COASY: variants seen among roughly 807,000 people sequenced by gnomAD.
COASY encodes bifunctional coenzyme A synthase.
In COASY, 31 loss-of-function variants were observed where a neutral mutation model predicts 49.4. That is an observed-to-expected ratio of 0.63 (90% CI 0.47 to 0.85). The LOEUF is 0.85. Among genes scored for constraint, COASY ranks in the 40% least tolerant of loss-of-function variants. COASY has a pLI of 0.00. For synonymous variants in COASY, 285 were observed against 310.9 expected, an observed-to-expected ratio of 0.92 and a Z score of 0.88; for missense variants, 730 against 734.1, an observed-to-expected ratio of 0.99 and a Z score of 0.06.
chr17:42,563,912 C>G (rs2092989344), intron 1 of COASY, 49 bp from the exon 2 acceptor site: 1 of 1,491,798 alleles, frequency 6.7e-7, no homozygotes, highest in African/African-American at 1.4e-5. Context: ...GGCCCATACT[C>G]TCCTCCCCAA....
intron 6 of COASY, 45 bp from the exon 7 acceptor site, chr17:42,565,426 G>A: frequency 6.2e-7 from 1 of 1,611,510 alleles, no homozygotes; most frequent in Non-Finnish European, 8.5e-7. Context: ...TGTTCTGCCT[G>A]GGAGAACGTC....
intron 5 of COASY, 59 bp downstream of exon 5, chr17:42,565,106 A>G (rs2092995689): frequency 2.5e-6 from 4 of 1,593,574 alleles, no homozygotes; most frequent in Non-Finnish European, 2.6e-6. Context: ...GTCAGGGTCC[A>G]GTGGACCTCT....
rs747905818 is a variant in COASY, at chr17:42,565,530, G to A, written c.1447G>A (p.Val483Ile). The part of the protein sequence containing the change: ...VLLEAGWQNL[V>I]HEVWTAVIPE... ...GCTTGAAGCCGGCTGGCAGAACCTG[G>A]TCCATGAGGTGTGGACTGCTGTCAT... Residue 483 changes from valine to isoleucine, a missense_variant, in exon 7 of 9, where the codon GTC becomes ATC. Val to Ile is a conservative substitution (Grantham distance 29). Coordinates refer to ENST00000393818, the MANE Select transcript of COASY (RefSeq NM_025233.7). 6.2e-7 allele frequency: 1 copy of A among 1,614,178 alleles called. No individual in the cohort carries two copies. The highest frequency in any genetic ancestry group is 1.7e-5 in the Admixed American group (1 of 60,026).
chr17:42,564,269 A>G, intron 2 of COASY, 94 bp downstream of exon 2: 3 of 1,455,500 alleles, frequency 2.1e-6, no homozygotes, highest in Non-Finnish European at 1.9e-6. Flanking sequence ...CCCAGAGGAG[A>G]GAAGTGGGGG....
chr17:42,566,187 C>T lies in COASY; in HGVS notation c.*219C>T, dbSNP rs1454128952. The T allele has an allele frequency of 1.7e-6, 1 of 589,276 alleles. No individual in the cohort carries two copies. The allele number at this position is 589,276 out of a possible 1,614,324, so 36.5% of individuals were successfully genotyped here. A position where few individuals can be genotyped will look rare whatever the true frequency, so the allele number is the denominator to read the frequency against. ...TCATGGGGGAGCAGTCCCCTCCCCA[C>T]TCTTGCCCATGGGTGACTCTTACCC... On this transcript the variant is annotated 3_prime_UTR_variant, in exon 9 of 9. Transcript: ENST00000393818.
In COASY at chr17:42,565,448, C is replaced by T. The variant is rs141500308; in HGVS notation, c.1388-23C>T. Reference sequence around the variant, plus strand: ...CCTGGGAGAACGTCGGCACTGCTGGCGGTGACTGGGGTCTCCCCACAGGAA... The same window carrying T: ...CCTGGGAGAACGTCGGCACTGCTGGTGGTGACTGGGGTCTCCCCACAGGAA... On this transcript the variant is annotated intron_variant, in intron 6 of 8. Transcript: ENST00000393818. 3.5e-5 allele frequency: 57 copies of T among 1,613,480 alleles called. No homozygotes were observed. The South Asian group carries it at 4.8e-4, about 14-fold the overall frequency.
In COASY at chr17:42,566,076, C is replaced by T; in HGVS notation, c.*108C>T. 8.3e-7 allele frequency: 1 copy of T among 1,199,044 alleles called. No homozygotes were observed. The highest frequency in any genetic ancestry group is 1.3e-5 in the South Asian group (1 of 79,978). 74.3% of individuals were successfully genotyped at this position (1,199,044 alleles called of 1,614,324 possible). A position where few individuals can be genotyped will look rare whatever the true frequency, so the allele number is the denominator to read the frequency against. ...CCTGGTTCAGGCCCAGAGGTCCAAG[C>T]TATACTGTGCAGGACATGGCCAGGC... On this transcript the variant is annotated 3_prime_UTR_variant, in exon 9 of 9. Coordinates refer to ENST00000393818, the MANE Select transcript of COASY (RefSeq NM_025233.7).
rs1353601245 is a variant in COASY, at chr17:42,562,887, A to G, written c.265A>G (p.Asn89Asp). ...RHLDVRILLT[N>D]IRTKSTFLPP... ...CTTGGACGTCAGAATCCTACTGACCAATATCCGAACCAAGAGCACCTTTCT... is the reference window on the plus strand; with the variant it reads ...CTTGGACGTCAGAATCCTACTGACCGATATCCGAACCAAGAGCACCTTTCT... The change falls in exon 1 of 9, where the codon AAT (asparagine) becomes GAT (aspartate). Residue 89 changes from asparagine to aspartate, a missense_variant. Coordinates refer to ENST00000393818, the MANE Select transcript of COASY (RefSeq NM_025233.7). 6.2e-7 allele frequency: 1 copy of G among 1,611,772 alleles called. No homozygotes were observed. Among genetic ancestry groups the G allele is most frequent in the African/African-American group, 1.3e-5 (1 of 74,840 alleles).
rs11539242 is a variant in COASY at position 42,564,064 on chromosome 17, C to G, written c.804C>G (p.Pro268=). The part of the protein sequence containing the change: ...IKPSLTFDVI[P]LLDPYGPAGS... ...CCTCCTTGACTTTTGATGTCATCCC[C>G]CTGCTGGACCCCTATGGGCCCGCTG... The change falls in exon 2 of 9, where the codon CCC becomes CCG. Residue 268 remains proline, a synonymous_variant. Coordinates refer to ENST00000393818, the MANE Select transcript of COASY (RefSeq NM_025233.7). 2 of 1,614,004 alleles carry G rather than the reference C, an allele frequency of 1.2e-6. No homozygotes were observed.
intron 3 of COASY, 47 bp downstream of exon 3, chr17:42,564,624 C>T: frequency 6.4e-7 from 1 of 1,574,800 alleles, no homozygotes; most frequent in South Asian, 1.2e-5. Flanking sequence ...CCTGGCAATG[C>T]TGGAGAGTAG....
chr17:42,563,150 A>G lies in COASY; in HGVS notation c.528A>G (p.Pro176=). ...TCCCCTTACCCTCCACGATCAGGCC[A>G]GCTTCCCCCGTGGCCGGGTCTCCAA... ...LDVPLPSTIR[P]ASPVAGSPKQ... The change falls in exon 1 of 9, where the codon CCA becomes CCG. Residue 176 remains proline (P), a synonymous_variant. Coordinates refer to ENST00000393818, the MANE Select transcript of COASY (RefSeq NM_025233.7). 6.2e-7 allele frequency: 1 copy of G among 1,613,942 alleles called. No homozygotes were observed. The highest frequency in any genetic ancestry group is 8.5e-7 in the Non-Finnish European group (1 of 1,179,994).
In COASY at chr17:42,565,294, A is replaced by T. The variant is rs780721537; in HGVS notation, c.1370A>T (p.Asp457Val). 6.2e-7 allele frequency: 1 copy of T among 1,614,032 alleles called. No homozygotes were observed. The highest frequency in any genetic ancestry group is 1.3e-5 in the African/African-American group (1 of 74,924). The change falls in exon 6 of 9, where the codon GAT (aspartate) becomes GTT (valine). Residue 457 changes from aspartate to valine, a missense_variant. Physicochemically the swap from Asp to Val is radical, Grantham distance 152. Transcript: ENST00000393818. ...GCAAAGCTGGCCCGAGAGGAGATGG[A>T]TCGGGCTGTGGCTGAGGGTGAGTGG... The part of the protein sequence containing the change: ...IIAKLAREEM[D>V]RAVAEGKRVC...
chr17:42,562,255 C>G lies in COASY; in HGVS notation c.-368C>G. On this transcript the variant is annotated 5_prime_UTR_variant, in exon 1 of 9. Transcript: ENST00000393818. ...GGCCGACGTGAGCTTTAGCGTCCCC[C>G]TTTAGCCTCCCTCTTCGATTCCTTG... 2 of 638,290 alleles carry G rather than the reference C, an allele frequency of 3.1e-6. No homozygotes were observed. Among genetic ancestry groups the G allele is most frequent in the Middle Eastern group, 2.6e-4 (1 of 3,904 alleles). The allele number at this position is 638,290 out of a possible 1,614,324, so 39.5% of individuals were successfully genotyped here.
chr17:42,566,222 T>C lies in COASY; in HGVS notation c.*254T>C. 1 of 552,792 alleles carries C rather than the reference T, an allele frequency of 1.8e-6. No individual in the cohort carries two copies. The highest frequency in any genetic ancestry group is 3.3e-6 in the Non-Finnish European group (1 of 307,452). 34.2% of individuals were successfully genotyped at this position (552,792 alleles called of 1,614,324 possible). Reference sequence around the variant, plus strand: ...TGGGTGACTCTTACCCACAGCTGACTAGGGCCAGCGCAAATACTGGAACCT... The same window carrying C: ...TGGGTGACTCTTACCCACAGCTGACCAGGGCCAGCGCAAATACTGGAACCT... On this transcript the variant is annotated 3_prime_UTR_variant, in exon 9 of 9. Coordinates refer to ENST00000393818, the MANE Select transcript of COASY (RefSeq NM_025233.7).
Position 42,562,287 on chromosome 17 carries a change from C to T in COASY, c.-336C>T. Reference sequence around the variant, plus strand: ...CTCCCTCTTCGATTCCTTGAAGACCCTGGTGCAGCTTAGCAAGAGGGCCCA... The same window carrying T: ...CTCCCTCTTCGATTCCTTGAAGACCTTGGTGCAGCTTAGCAAGAGGGCCCA... On this transcript the variant is annotated 5_prime_UTR_variant, in exon 1 of 9. Transcript: ENST00000393818. 1.2e-6 allele frequency: 1 copy of T among 821,150 alleles called. No individual in the cohort carries two copies. The highest frequency in any genetic ancestry group is 2.0e-6 in the Non-Finnish European group (1 of 497,876). The allele number at this position is 821,150 out of a possible 1,614,324, so 50.9% of individuals were successfully genotyped here.
intron 1 of COASY, 141 bp from the exon 2 acceptor site, chr17:42,563,820 C>G: frequency 1.6e-6 from 1 of 631,484 alleles, no homozygotes. Flanking sequence ...CTCCCCTCAC[C>G]ATCACCATAG....
In COASY at chr17:42,566,198, G is replaced by T; in HGVS notation, c.*230G>T. On this transcript the variant is annotated 3_prime_UTR_variant, in exon 9 of 9. Coordinates refer to ENST00000393818, the MANE Select transcript of COASY (RefSeq NM_025233.7). ...CAGTCCCCTCCCCACTCTTGCCCAT[G>T]GGTGACTCTTACCCACAGCTGACTA... is the stretch of plus-strand genomic sequence containing the variant. 1 of 581,090 alleles carries T rather than the reference G, an allele frequency of 1.7e-6. No homozygotes were observed. 36.0% of individuals were successfully genotyped at this position (581,090 alleles called of 1,614,324 possible). A position where few individuals can be genotyped will look rare whatever the true frequency, so the allele number is the denominator to read the frequency against.
Position 42,562,168 on chromosome 17 carries a change from G to A in COASY, c.-455G>A. ...TCTCCGTTAGTGCTTCCGGGTTGCAGCCAGGGAAGCCTCCGCGGTGGTGCA... is the reference window on the plus strand; with the variant it reads ...TCTCCGTTAGTGCTTCCGGGTTGCAACCAGGGAAGCCTCCGCGGTGGTGCA... On this transcript the variant is annotated 5_prime_UTR_variant, in exon 1 of 9. Transcript: ENST00000393818. 1 of 478,734 alleles carries A rather than the reference G, an allele frequency of 2.1e-6. No individual in the cohort carries two copies. The highest frequency in any genetic ancestry group is 3.4e-5 in the East Asian group (1 of 29,028). 29.7% of individuals were successfully genotyped at this position (478,734 alleles called of 1,614,324 possible).
chr17:42,565,734 G>C lies in COASY; in HGVS notation c.1561G>C (p.Gly521Arg), dbSNP rs372563296. ...AQSRLQSQMSGQQLVEQSHVV... is the reference protein window; with the variant it reads ...AQSRLQSQMSRQQLVEQSHVV... ...AAGCCGGCTGCAGAGCCAGATGAGC[G>C]GGCAGCAGCTTGTGGAACAGAGCCA... The change falls in exon 8 of 9, where the codon GGG becomes CGG. Residue 521 changes from glycine to arginine, a missense_variant. Gly to Arg is a moderately radical substitution (Grantham distance 125). Coordinates refer to ENST00000393818, the MANE Select transcript of COASY (RefSeq NM_025233.7). 5.0e-6 allele frequency: 8 copies of C among 1,613,820 alleles called. No individual in the cohort carries two copies. The highest frequency in any genetic ancestry group is 6.8e-6 in the Non-Finnish European group (8 of 1,180,050).
Sources: allele counts gnomAD v4.1 joint callset, GRCh38; gene constraint gnomAD v4.1.1; transcripts MANE v1.5; gene names NCBI Gene and HGNC (gene_info 2026-07-23, HGNC 2026-07-21).